MACROD1: variants seen among roughly 807,000 people sequenced by gnomAD.
MACROD1 encodes the protein ADP-ribose glycohydrolase MACROD1.
MACROD1 carries 31 observed loss-of-function variants against 41.4 expected under a neutral mutation model. The observed-to-expected ratio is 0.75, with a 90% CI of 0.56 to 1.01. The LOEUF (loss-of-function observed/expected upper bound fraction) is 1.01, where lower values mean the gene tolerates loss of function less well. MACROD1 is among the 50% of genes least tolerant of loss of function. The pLI is 0.00. For synonymous variants in MACROD1, 252 were observed against 203.4 expected (o/e 1.24, Z -2.03); for missense variants, 473 against 460.0 (o/e 1.03, Z -0.26).
chr11:64,145,847 G>A (rs112333636), intron 3 of MACROD1, among the ~76,000 whole-genome samples: 3 of 151,974 alleles, frequency 2.0e-5, no homozygotes, highest in Non-Finnish European at 2.9e-5. Context: ...TCGGCTCACC[G>A]CAACCTCCAC....
chr11:64,068,291 C>A (rs959234226), intron 3 of MACROD1, among the ~76,000 whole-genome samples: 1 of 152,230 alleles, frequency 6.6e-6, no homozygotes, highest in Non-Finnish European at 1.5e-5. Flanking sequence ...CCACCCCAAC[C>A]CCACCCAGCA....
intron 1 of MACROD1, among the ~76,000 whole-genome samples, chr11:64,161,514 C>T (rs538049368): frequency 2.6e-5 from 4 of 152,314 alleles, no homozygotes; most frequent in African/African-American, 7.2e-5. Context: ...TGTAACTTGG[C>T]TGAAAGTGTG....
rs79396390 is a variant in MACROD1 at position 64,153,394 on chromosome 11, G to A, written c.299-1001C>T. Among the ~76,000 whole-genome samples the A allele has an allele frequency of 1.1e-3, 162 of 152,356 alleles. 2 individuals carry two copies. The East Asian group carries it at 0.019, about 18-fold the overall frequency. On this transcript the variant is annotated intron_variant, in intron 1 of 10. Transcript: ENST00000255681. Reference sequence around the variant, plus strand: ...AAGCATCAAAAAATATGTAGAGGCGGGAGAGCAATTAGAGGAGGTGGTGAG... The same window carrying A: ...AAGCATCAAAAAATATGTAGAGGCGAGAGAGCAATTAGAGGAGGTGGTGAG...
chr11:64,021,460 G>A (rs1287289108), intron 3 of MACROD1, among the ~76,000 whole-genome samples: 3 of 152,230 alleles, frequency 2.0e-5, no homozygotes, highest in Non-Finnish European at 4.4e-5. Flanking sequence ...GGACATCAGA[G>A]GAGACGCAGT....
At chr11:64,054,434 CA>C (rs1943747417) in intron 3 of MACROD1, among the ~76,000 whole-genome samples, 1 of 152,136 alleles carries the variant, frequency 6.6e-6, no homozygotes, top group Admixed American at 6.5e-5. Context: ...ACTATAAATC[CA>C]GGGTGTTTCC....
chr11:64,031,107 G>A (rs1375472473), intron 3 of MACROD1, among the ~76,000 whole-genome samples: 2 of 152,158 alleles, frequency 1.3e-5, no homozygotes, highest in Non-Finnish European at 2.9e-5. Context: ...GAGCAGGGCT[G>A]GAGGGGTGCT....
chr11:64,075,685 T>A (rs951391398), intron 3 of MACROD1, among the ~76,000 whole-genome samples: 1 of 152,216 alleles, frequency 6.6e-6, no homozygotes, highest in Non-Finnish European at 1.5e-5. Context: ...CTGCTTCTTT[T>A]TTTTGAGATG....
intron 1 of MACROD1, among the ~76,000 whole-genome samples, chr11:64,160,121 G>A (rs1021928394): frequency 2.0e-5 from 3 of 152,178 alleles, no homozygotes; most frequent in East Asian, 3.9e-4. Context: ...GCAAACGCCC[G>A]GGGAAGGGGA....
intron 3 of MACROD1, among the ~76,000 whole-genome samples, chr11:64,033,241 A>C (rs1026394711): frequency 1.3e-5 from 2 of 152,088 alleles, no homozygotes; most frequent in African/African-American, 4.8e-5. Context: ...GGCCCGATTC[A>C]CTTCTGGTCC....
intron 3 of MACROD1, among the ~76,000 whole-genome samples, chr11:64,049,046 A>G (rs1652829779): frequency 7.9e-6 from 1 of 126,300 alleles, no homozygotes; most frequent in Non-Finnish European, 1.6e-5. Context: ...TGATAGGCAG[A>G]TCACATATTT....
chr11:64,077,844 G>T lies in MACROD1; in HGVS notation c.518-62563C>A, dbSNP rs569960987. 8.0e-4 allele frequency among the ~76,000 whole-genome samples: 122 copies of T among 152,356 alleles called. 1 individual carries two copies. Among genetic ancestry groups the T allele is most frequent in the African/African-American group, 2.8e-3 (115 of 41,586 alleles). On this transcript the variant is annotated intron_variant, in intron 3 of 10. Transcript: ENST00000255681. ...GGCAAGGAGTCTCCTTTGGCTATGG[G>T]TGGGCTTCAGGAGCCCAGGGCCCCC... is the stretch of plus-strand genomic sequence containing the variant.
At chr11:64,114,725 G>A (rs1449724343) in intron 3 of MACROD1, among the ~76,000 whole-genome samples, 1 of 151,882 alleles carries the variant, frequency 6.6e-6, no homozygotes, top group African/African-American at 2.4e-5. Flanking sequence ...ATGGATGGAT[G>A]AATGGATGGA....
Position 64,096,449 on chromosome 11 carries a change from G to A in MACROD1, c.517+54790C>T, listed in dbSNP as rs1358322880. Among the ~76,000 whole-genome samples, 3 of 151,574 alleles carry A rather than the reference G, an allele frequency of 2.0e-5. No individual in the cohort carries two copies. The highest frequency in any genetic ancestry group is 4.4e-5 in the Non-Finnish European group (3 of 67,898). ...TTTTTTTGAGACTGAGTCTCGCTGT[G>A]CTGCCCAGGATGATGAAGTGCAGTG... is the stretch of plus-strand genomic sequence containing the variant. On this transcript the variant is annotated intron_variant, in intron 3 of 10. Transcript: ENST00000255681. The surrounding 1 kb of genome is among the most constrained non-coding windows in gnomAD (Gnocchi z 4.6).
intron 3 of MACROD1, among the ~76,000 whole-genome samples, chr11:64,077,840 A>T (rs1271134074): frequency 6.6e-6 from 1 of 152,168 alleles, no homozygotes; most frequent in Non-Finnish European, 1.5e-5. Flanking sequence ...TCCTTTGGCT[A>T]TGGGTGGGCT....
At chr11:64,000,063 C>T (rs1942793804) in intron 5 of MACROD1, 164 bp downstream of exon 5, 1 of 645,898 alleles carries the variant, frequency 1.5e-6, no homozygotes, top group Non-Finnish European at 2.6e-6. Context: ...CCCCCATGTG[C>T]TTCCTGGGGT....
chr11:64,153,400 C>G (rs1182345107), intron 1 of MACROD1, among the ~76,000 whole-genome samples: 1 of 152,116 alleles, frequency 6.6e-6, no homozygotes, highest in Non-Finnish European at 1.5e-5. Flanking sequence ...GGCGGGAGAG[C>G]AATTAGAGGA....
chr11:64,074,410 G>A (rs899271894), intron 3 of MACROD1, among the ~76,000 whole-genome samples: 3 of 152,216 alleles, frequency 2.0e-5, no homozygotes, highest in Non-Finnish European at 4.4e-5. Flanking sequence ...CTGAGCTCCA[G>A]GGGTGTGGTC....
chr11:64,107,754 G>C (rs647304), intron 3 of MACROD1, among the ~76,000 whole-genome samples: 42,348 of 152,052 alleles, frequency 0.28, 6,779 homozygotes, highest in African/African-American at 0.45. Context: ...GCTGGGGTTA[G>C]AAGGTCCTTG....
At chr11:64,118,522 A>G in intron 3 of MACROD1, 1 of 483,966 alleles carries the variant, frequency 2.1e-6, no homozygotes, top group South Asian at 5.9e-5. Flanking sequence ...TGTTGAAGAC[A>G]TAATTTATAC....
Sources: allele counts gnomAD v4.1 joint callset (sites outside exome capture counted in the v4.1 genomes callset), GRCh38; gene constraint gnomAD v4.1.1; non-coding constraint Gnocchi (gnomAD v3.1); transcripts MANE v1.5; gene names NCBI Gene and HGNC (gene_info 2026-07-23, HGNC 2026-07-21).